Variants in RNLS observed in about 807,000 individuals in gnomAD.
The protein encoded by RNLS is renalase.
RNLS carries 39 observed loss-of-function variants against 39.8 expected under a neutral mutation model. The observed-to-expected ratio is 0.98, with a 90% CI of 0.76 to 1.28. The LOEUF is 1.28. Among genes scored for constraint, RNLS ranks in the 50% most tolerant of loss-of-function variants. RNLS has a pLI of 0.00. For synonymous variants in RNLS, 147 were observed against 150.7 expected (o/e 0.98, Z 0.18); for missense variants, 410 against 413.3 (o/e 0.99, Z 0.07).
chr10:88,379,056 T>G, intron 4 of RNLS, among the ~76,000 whole-genome samples: 1 of 152,216 alleles, frequency 6.6e-6, no homozygotes, highest in East Asian at 1.9e-4. Flanking sequence ...TACAGCAGCA[T>G]CACCACAAAC....
intron 4 of RNLS, among the ~76,000 whole-genome samples, chr10:88,478,686 C>T (rs544041537): frequency 1.3e-5 from 2 of 152,252 alleles, no homozygotes; most frequent in South Asian, 4.1e-4. Flanking sequence ...TCGAAATATG[C>T]TCTGCTCATT....
At chr10:88,313,806 G>A (rs923668471) in intron 6 of RNLS, among the ~76,000 whole-genome samples, 1 of 152,166 alleles carries the variant, frequency 6.6e-6, no homozygotes, top group African/African-American at 2.4e-5. Context: ...TGAGTTTACG[G>A]ATCAAAAGAC....
intron 4 of RNLS, among the ~76,000 whole-genome samples, chr10:88,503,100 G>C (rs1242452986): frequency 6.6e-6 from 1 of 152,140 alleles, no homozygotes; most frequent in African/African-American, 2.4e-5. Context: ...CATTGTCCTG[G>C]TCAGGTGTGG....
rs201610883 is a variant in RNLS at position 88,583,191 on chromosome 10, G to A, written c.-1C>T. 5.0e-4 allele frequency: 802 copies of A among 1,613,862 alleles called. 1 individual carries two copies. Among genetic ancestry groups the A allele is most frequent in the Non-Finnish European group, 6.5e-4 (771 of 1,179,912 alleles). On this transcript the variant is annotated 5_prime_UTR_variant, in exon 1 of 7. Transcript: ENST00000331772. Reference sequence around the variant, plus strand: ...CGCCCACGATCAGCACCTGCGCCATGGCGAGAGGGAGCAGCGATCCGCGCT... The same window carrying A: ...CGCCCACGATCAGCACCTGCGCCATAGCGAGAGGGAGCAGCGATCCGCGCT...
intron 6 of RNLS, among the ~76,000 whole-genome samples, chr10:88,298,736 G>T (rs1428231411): frequency 1.3e-5 from 2 of 151,974 alleles, no homozygotes; most frequent in African/African-American, 2.4e-5. Context: ...CTGTAGTTTT[G>T]CAGTAAGATT....
chr10:88,396,071 G>A (rs1022974337), intron 4 of RNLS, among the ~76,000 whole-genome samples: 22 of 152,010 alleles, frequency 1.4e-4, no homozygotes, highest in Admixed American at 9.8e-4. Context: ...CAGCAAATCT[G>A]CTCTTCAAAA....
chr10:88,363,210 CA>C (rs2133373789), intron 4 of RNLS, among the ~76,000 whole-genome samples: 1 of 149,756 alleles, frequency 6.7e-6, no homozygotes, highest in South Asian at 2.1e-4. Flanking sequence ...TCCATGGATA[CA>C]AGGGGGGAAT....
At chr10:88,569,320 CT>C (rs5786828) in intron 4 of RNLS, among the ~76,000 whole-genome samples, 110,638 of 149,442 alleles carry the variant, frequency 0.74, 41,060 homozygotes, top group East Asian at 0.9. Context: ...CAAGATGTCA[CT>C]TTTTTTTTTT....
chr10:88,530,668 T>C (rs979539523), intron 4 of RNLS, among the ~76,000 whole-genome samples: 3 of 152,190 alleles, frequency 2.0e-5, no homozygotes, highest in Admixed American at 6.6e-5. Flanking sequence ...TTGCCTCTCA[T>C]ACCTCATTTT....
chr10:88,261,159 C>T, the RNLS span, among the ~76,000 whole-genome samples: 1 of 152,222 alleles, frequency 6.6e-6, no homozygotes, highest in African/African-American at 2.4e-5. Context: ...TTTCATTCCT[C>T]TTTCTGTATT....
intron 4 of RNLS, among the ~76,000 whole-genome samples, chr10:88,373,780 T>C (rs1850755610): frequency 6.6e-6 from 1 of 152,094 alleles, no homozygotes; most frequent in Admixed American, 6.6e-5. Context: ...GTGATTGAAA[T>C]AGGTTTCAAT....
At chr10:88,199,025 C>T in the RNLS span, among the ~76,000 whole-genome samples, 4 of 152,254 alleles carry the variant, frequency 2.6e-5, no homozygotes, top group Non-Finnish European at 5.9e-5. Flanking sequence ...GCAAAGACTC[C>T]AGAGCAAACA....
chr10:88,518,690 C>T (rs970915711), intron 4 of RNLS, among the ~76,000 whole-genome samples: 19 of 151,936 alleles, frequency 1.3e-4, no homozygotes, highest in African/African-American at 4.6e-4. Context: ...AAAAAAATCA[C>T]TGTCTACCTA....
At chr10:88,577,683 A>G (rs979470006) in intron 3 of RNLS, among the ~76,000 whole-genome samples, 2 of 152,204 alleles carry the variant, frequency 1.3e-5, no homozygotes, top group African/African-American at 4.8e-5. Flanking sequence ...CACTCACTCA[A>G]GAAGATTGTA....
At chr10:88,173,624 A>AT in the RNLS span, among the ~76,000 whole-genome samples, 1 of 151,956 alleles carries the variant, frequency 6.6e-6, no homozygotes, top group Non-Finnish European at 1.5e-5. Context: ...AATGTGAGAT[A>AT]TTTTTCTGTT....
chr10:88,570,812 C>T (rs1470030825), intron 4 of RNLS, among the ~76,000 whole-genome samples: 1 of 152,100 alleles, frequency 6.6e-6, no homozygotes, highest in East Asian at 1.9e-4. Context: ...GAATTAAAAA[C>T]AGGGCACTTC....
intron 4 of RNLS, among the ~76,000 whole-genome samples, chr10:88,548,563 C>T (rs1001929447): frequency 1.3e-5 from 2 of 148,780 alleles, no homozygotes; most frequent in Non-Finnish European, 3.0e-5. Flanking sequence ...TGCTTGAACC[C>T]GAGAGGCGGA....
At chr10:88,509,020 G>A (rs1351667591) in intron 4 of RNLS, among the ~76,000 whole-genome samples, 4 of 151,760 alleles carry the variant, frequency 2.6e-5, no homozygotes, top group Non-Finnish European at 4.4e-5. Flanking sequence ...GGGGTGGGGG[G>A]GCTGGTTCAT....
intron 6 of RNLS, among the ~76,000 whole-genome samples, chr10:88,312,789 AAC>A (rs1845478404): frequency 6.6e-6 from 1 of 151,354 alleles, no homozygotes; most frequent in African/African-American, 2.4e-5. Context: ...TTTTTTTCAG[AAC>A]AGTTTTAGGT....
Sources: allele counts gnomAD v4.1 joint callset (sites outside exome capture counted in the v4.1 genomes callset), GRCh38; gene constraint gnomAD v4.1.1; transcripts MANE v1.5; gene names NCBI Gene and HGNC (gene_info 2026-07-23, HGNC 2026-07-21).